TMEM163: variants seen among roughly 807,000 people sequenced by gnomAD.
The protein encoded by TMEM163 is transmembrane protein 163.
TMEM163 carries 17 observed loss-of-function variants against 29.3 expected under a neutral mutation model. That is an observed-to-expected ratio of 0.58 (90% CI 0.40 to 0.87). The LOEUF (loss-of-function observed/expected upper bound fraction) is 0.87, where lower values mean the gene tolerates loss of function less well. TMEM163 is among the 40% of genes least tolerant of loss of function. The probability of loss-of-function intolerance (pLI) is 0.00; values close to 1 mark genes in which losing one functional copy is unlikely to be tolerated. For missense variants in TMEM163, 303 were observed against 381.5 expected, an observed-to-expected ratio of 0.79 and a Z score of 1.71; for synonymous variants, 157 against 160.6, an observed-to-expected ratio of 0.98 and a Z score of 0.17.
intron 5 of TMEM163, among the ~76,000 whole-genome samples, chr2:134,488,700 T>C (rs1679367113): frequency 6.6e-6 from 1 of 152,184 alleles, no homozygotes. Flanking sequence ...ATTAGTTCTG[T>C]CCCTCTAGAG....
At chr2:134,527,530 A>T (rs1558934360) in intron 4 of TMEM163, among the ~76,000 whole-genome samples, 1 of 152,184 alleles carries the variant, frequency 6.6e-6, no homozygotes, top group Non-Finnish European at 1.5e-5. Flanking sequence ...GGGGAAGAGC[A>T]GCTGTGGCAG....
chr2:134,627,588 A>G (rs1241994516), intron 2 of TMEM163, among the ~76,000 whole-genome samples: 1 of 152,206 alleles, frequency 6.6e-6, no homozygotes, highest in Non-Finnish European at 1.5e-5. Flanking sequence ...TTAATAATTT[A>G]AAGACACAAT....
Position 134,524,746 on chromosome 2 carries a change from C to T in TMEM163, c.459-21749G>A, listed in dbSNP as rs1394657408. On this transcript the variant is annotated intron_variant, in intron 4 of 7. Transcript: ENST00000281924. ...AGTATTCCATGGTATATATGTACCA[C>T]ATTTTCTTTATCCAGTCTATCATTG... 1.3e-5 allele frequency among the ~76,000 whole-genome samples: 2 copies of T among 150,430 alleles called. 1 individual carries two copies. Among genetic ancestry groups the T allele is most frequent in the Non-Finnish European group, 3.0e-5 (2 of 67,598 alleles).
At chr2:134,487,685 G>A (rs1431959950) in intron 5 of TMEM163, among the ~76,000 whole-genome samples, 1 of 152,106 alleles carries the variant, frequency 6.6e-6, no homozygotes, top group Non-Finnish European at 1.5e-5. Flanking sequence ...GAACAAAATG[G>A]ACCCACGCAT....
At chr2:134,475,151 C>T (rs1170362616) in intron 5 of TMEM163, among the ~76,000 whole-genome samples, 1 of 152,082 alleles carries the variant, frequency 6.6e-6, no homozygotes, top group African/African-American at 2.4e-5. Context: ...AGAAGTAATA[C>T]TGTCATAAAG....
At chr2:134,623,448 T>C (rs892419753) in intron 2 of TMEM163, among the ~76,000 whole-genome samples, 2 of 152,154 alleles carry the variant, frequency 1.3e-5, no homozygotes, top group African/African-American at 2.4e-5. Context: ...AAGTTCACAA[T>C]GTCCAAACCA....
At chr2:134,659,691 A>G (rs1325935217) in intron 2 of TMEM163, among the ~76,000 whole-genome samples, 1 of 152,224 alleles carries the variant, frequency 6.6e-6, no homozygotes, top group East Asian at 1.9e-4. Context: ...CAAATATTTT[A>G]AAAGTCAACA....
At chr2:134,519,507 CG>C (rs1680146015) in intron 4 of TMEM163, among the ~76,000 whole-genome samples, 2 of 151,984 alleles carry the variant, frequency 1.3e-5, no homozygotes, top group African/African-American at 4.8e-5. Flanking sequence ...GTCAGGAGAT[CG>C]AGACCATCCT....
intron 2 of TMEM163, among the ~76,000 whole-genome samples, chr2:134,691,107 C>T (rs1684454570): frequency 6.6e-6 from 1 of 152,152 alleles, no homozygotes; most frequent in African/African-American, 2.4e-5. Flanking sequence ...GGCAGTGGTT[C>T]ATACAAACAG....
intron 2 of TMEM163, among the ~76,000 whole-genome samples, chr2:134,575,517 G>GGC (rs1218607497): frequency 2.0e-5 from 3 of 152,176 alleles, no homozygotes; most frequent in Admixed American, 2.0e-4. Context: ...AGAGGAGAGA[G>GGC]GCACACACAC....
intron 2 of TMEM163, among the ~76,000 whole-genome samples, chr2:134,610,263 C>G (rs1413865255): frequency 6.6e-6 from 1 of 152,206 alleles, no homozygotes; most frequent in Non-Finnish European, 1.5e-5. Flanking sequence ...GGAGGGCTCT[C>G]TCAGAGCCAC....
chr2:134,696,528 C>T (rs1445083259), intron 2 of TMEM163, among the ~76,000 whole-genome samples: 2 of 152,168 alleles, frequency 1.3e-5, no homozygotes, highest in Non-Finnish European at 2.9e-5. Flanking sequence ...CAGCTCTGAA[C>T]ATGAGATTTC....
At chr2:134,578,394 G>A (rs1681612194) in intron 2 of TMEM163, among the ~76,000 whole-genome samples, 1 of 152,134 alleles carries the variant, frequency 6.6e-6, no homozygotes, top group Non-Finnish European at 1.5e-5. Flanking sequence ...TGCCTCCACT[G>A]CACTGGTCTC....
intron 2 of TMEM163, among the ~76,000 whole-genome samples, chr2:134,689,139 C>T (rs1447995760): frequency 7.2e-6 from 1 of 139,560 alleles, no homozygotes; most frequent in Admixed American, 7.3e-5. Context: ...GATGGAGTCT[C>T]GCTCTGTCAC....
intron 2 of TMEM163, among the ~76,000 whole-genome samples, chr2:134,685,268 G>T (rs1455736351): frequency 6.6e-6 from 1 of 152,148 alleles, no homozygotes; most frequent in Non-Finnish European, 1.5e-5. Flanking sequence ...AGTTGCTCTA[G>T]ATTTCCACTA....
intron 4 of TMEM163, among the ~76,000 whole-genome samples, chr2:134,537,784 G>C (rs1016209094): frequency 2.0e-5 from 3 of 152,214 alleles, no homozygotes; most frequent in African/African-American, 7.2e-5. Context: ...ACTGTGCAGA[G>C]TGGTAAAGAG....
At chr2:134,516,863 G>A (rs943117754) in intron 4 of TMEM163, among the ~76,000 whole-genome samples, 1 of 150,362 alleles carries the variant, frequency 6.7e-6, no homozygotes, top group Admixed American at 6.7e-5. Context: ...GCCAAGGACC[G>A]CAAGACTAAA....
At chr2:134,622,828 T>C (rs1168582793) in intron 2 of TMEM163, among the ~76,000 whole-genome samples, 1 of 152,110 alleles carries the variant, frequency 6.6e-6, no homozygotes. Context: ...AGTGACACGA[T>C]CTCGGCTCAC....
At chr2:134,700,689 A>C (rs1042007329) in intron 2 of TMEM163, among the ~76,000 whole-genome samples, 51 of 152,272 alleles carry the variant, frequency 3.3e-4, no homozygotes, top group Non-Finnish European at 1.0e-4. Context: ...ACCTGAGGTC[A>C]TGAGTTCGAG....
Sources: gnomAD v4.1 joint callset for allele counts (sites outside exome capture counted in the v4.1 genomes callset) on GRCh38, gnomAD v4.1.1 for gene constraint, MANE v1.5 for transcripts, NCBI Gene and HGNC (gene_info 2026-07-23, HGNC 2026-07-21) for gene names.